Variants in DLGAP1 observed in about 807,000 individuals in gnomAD.
DLGAP1 encodes disks large-associated protein 1.
Under a neutral mutation model 90.8 loss-of-function variants are expected in DLGAP1, and 11 were observed. That is an observed-to-expected ratio of 0.12 (90% CI 0.08 to 0.20). The LOEUF (loss-of-function observed/expected upper bound fraction) is 0.20, where lower values mean the gene tolerates loss of function less well. Among genes scored for constraint, DLGAP1 ranks in the 10% least tolerant of loss-of-function variants. The pLI is 1.00. For missense variants in DLGAP1, 1,050 were observed against 1,333.8 expected (o/e 0.79, Z 3.31); for synonymous variants, 558 against 540.7 (o/e 1.03, Z -0.44).
At chr18:3,545,074 A>G (rs1281749531) in intron 9 of DLGAP1, among the ~76,000 whole-genome samples, 1 of 151,390 alleles carries the variant, frequency 6.6e-6, no homozygotes, top group Non-Finnish European at 1.5e-5. Context: ...TTCGAGACCA[A>G]TCTGGCCTGG....
At chr18:3,880,470 G>T (rs2071126909) in intron 3 of DLGAP1, among the ~76,000 whole-genome samples, 1 of 152,074 alleles carries the variant, frequency 6.6e-6, no homozygotes, top group African/African-American at 2.4e-5. Context: ...GAGCAACCCT[G>T]CAGGCCTGGT....
At chr18:4,155,216 A>G (rs1262499879) in intron 1 of DLGAP1, among the ~76,000 whole-genome samples, 1 of 152,144 alleles carries the variant, frequency 6.6e-6, no homozygotes, top group Non-Finnish European at 1.5e-5. Flanking sequence ...ATTGCAATAA[A>G]GTCATGGGAT....
intron 4 of DLGAP1, among the ~76,000 whole-genome samples, chr18:3,823,296 C>T (rs528165350): frequency 1.4e-4 from 22 of 152,258 alleles, no homozygotes; most frequent in South Asian, 1.2e-3. Flanking sequence ...GCATGAAATG[C>T]CAGGACAAAG....
At chr18:4,191,987 C>A (rs1269625006) in intron 1 of DLGAP1, among the ~76,000 whole-genome samples, 1 of 152,062 alleles carries the variant, frequency 6.6e-6, no homozygotes, top group African/African-American at 2.4e-5. Context: ...ACCAAGAGAA[C>A]CCTGAAGCAA....
intron 4 of DLGAP1, among the ~76,000 whole-genome samples, chr18:3,850,137 T>TGGGC (rs1388956891): frequency 6.6e-6 from 1 of 151,440 alleles, no homozygotes; most frequent in African/African-American, 2.4e-5. Flanking sequence ...GAGGCTGAGG[T>TGGGC]GGGCGGATCA....
At chr18:3,741,081 A>G (rs2062935691) in intron 6 of DLGAP1, among the ~76,000 whole-genome samples, 1 of 106,320 alleles carries the variant, frequency 9.4e-6, no homozygotes, top group Non-Finnish European at 1.9e-5. Flanking sequence ...CACCACCACC[A>G]TCACCATCAC....
intron 1 of DLGAP1, among the ~76,000 whole-genome samples, chr18:4,261,252 G>A (rs1292341031): frequency 6.6e-6 from 1 of 152,064 alleles, no homozygotes; most frequent in Non-Finnish European, 1.5e-5. Context: ...CGTCCAAGTC[G>A]GACTCTATGC....
intron 5 of DLGAP1, among the ~76,000 whole-genome samples, chr18:3,792,286 G>C (rs2065771431): frequency 6.6e-6 from 1 of 152,126 alleles, no homozygotes; most frequent in South Asian, 2.1e-4. Flanking sequence ...TTCAAGACCA[G>C]CCTGGCCAAC....
At chr18:3,743,605 C>T (rs965124375) in intron 5 of DLGAP1, among the ~76,000 whole-genome samples, 9 of 151,814 alleles carry the variant, frequency 5.9e-5, no homozygotes, top group South Asian at 4.1e-4. Context: ...CCGCCCACCT[C>T]GGCCTCCCAA....
intron 1 of DLGAP1, among the ~76,000 whole-genome samples, chr18:4,335,984 C>T (rs1455003357): frequency 2.0e-5 from 3 of 152,196 alleles, no homozygotes; most frequent in South Asian, 2.1e-4. Context: ...ATTTCCATTG[C>T]CATTTGGGGC....
Position 3,502,348 on chromosome 18 carries a change from T to C in DLGAP1, c.2724+145A>G, listed in dbSNP as rs1308481786. The C allele has an allele frequency of 7.6e-6, 11 of 1,443,462 alleles. No homozygotes were observed. The East Asian group carries it at 2.5e-4, about 33-fold the overall frequency. The allele number at this position is 1,443,462 out of a possible 1,614,324, so 89.4% of individuals were successfully genotyped here. A position where few individuals can be genotyped will look rare whatever the true frequency, so the allele number is the denominator to read the frequency against. On this transcript the variant is annotated intron_variant, in intron 12 of 12. Transcript: ENST00000315677. ...GATAATATCCCAAATGATTACTATG[T>C]AAACATTGTCATTACAATGAAATTA...
chr18:3,958,745 ACTT>A (rs1238782407), intron 3 of DLGAP1, among the ~76,000 whole-genome samples: 1 of 152,066 alleles, frequency 6.6e-6, no homozygotes, highest in Non-Finnish European at 1.5e-5. Flanking sequence ...ATTGGGAGGA[ACTT>A]CTCACTGACA....
At chr18:3,611,264 G>A (rs1295765909) in intron 7 of DLGAP1, among the ~76,000 whole-genome samples, 2 of 152,086 alleles carry the variant, frequency 1.3e-5, no homozygotes, top group African/African-American at 4.8e-5. Flanking sequence ...GCTTACAGCA[G>A]CCTCACACCC....
chr18:4,077,992 T>C (rs1320756141), intron 2 of DLGAP1, among the ~76,000 whole-genome samples: 1 of 152,168 alleles, frequency 6.6e-6, no homozygotes. Context: ...TGGTGGAATA[T>C]GGCCTAGACA....
rs1451485037 is a variant in DLGAP1, at chr18:3,600,731, T to G, written c.1592-18483A>C. Among the ~76,000 whole-genome samples the G allele has an allele frequency of 3.7e-3, 141 of 37,650 alleles. 3 individuals carry two copies. The highest frequency in any genetic ancestry group is 0.015 in the Middle Eastern group (1 of 68). The allele number at this position is 37,650 out of a possible 152,430, so 24.7% of individuals were successfully genotyped here. A position where few individuals can be genotyped will look rare whatever the true frequency, so the allele number is the denominator to read the frequency against. On this transcript the variant is annotated intron_variant, in intron 7 of 12. Coordinates refer to ENST00000315677, the MANE Select transcript of DLGAP1 (RefSeq NM_004746.4). The stretch of plus-strand genomic sequence containing the variant: ...AGCTATATAGATATAGAGATATAGA[T>G]ATATATAGATATATAGATATATATA...
intron 2 of DLGAP1, among the ~76,000 whole-genome samples, chr18:4,073,330 C>T (rs1300174936): frequency 6.6e-6 from 1 of 152,098 alleles, no homozygotes; most frequent in Non-Finnish European, 1.5e-5. Context: ...TCTACGCAAG[C>T]CCTAGCACAC....
chr18:3,656,896 G>A (rs938066379), intron 7 of DLGAP1, among the ~76,000 whole-genome samples: 1 of 151,980 alleles, frequency 6.6e-6, no homozygotes, highest in African/African-American at 2.4e-5. Flanking sequence ...ACAGGCGCCC[G>A]CCAGCACGCC....
At chr18:4,107,279 C>T (rs1389365320) in intron 2 of DLGAP1, among the ~76,000 whole-genome samples, 2 of 152,292 alleles carry the variant, frequency 1.3e-5, no homozygotes, top group Admixed American at 6.5e-5. Context: ...CCTGACACTC[C>T]CATGAGGCTT....
intron 5 of DLGAP1, among the ~76,000 whole-genome samples, chr18:3,759,568 T>C (rs912793937): frequency 6.6e-6 from 1 of 152,232 alleles, no homozygotes; most frequent in African/African-American, 2.4e-5. Flanking sequence ...ATCAAGGCTA[T>C]GCAACATTAG....
Sources: gnomAD v4.1 joint callset for allele counts (sites outside exome capture counted in the v4.1 genomes callset) on GRCh38, gnomAD v4.1.1 for gene constraint, MANE v1.5 for transcripts, NCBI Gene and HGNC (gene_info 2026-07-23, HGNC 2026-07-21) for gene names.